The following CDH23 variants were observed in gnomAD, a reference collection of about 807,000 sequenced individuals.
CDH23 encodes the protein cadherin-23.
A neutral mutation model predicts 317.1 loss-of-function variants in CDH23; 189 were observed. That is an observed-to-expected ratio of 0.60 (90% confidence interval 0.53 to 0.67). The LOEUF is 0.67. CDH23 is among the 30% of genes least tolerant of loss of function. CDH23 has a pLI of 0.00. For synonymous variants in CDH23, 1,839 were observed against 1,876.8 expected, an observed-to-expected ratio of 0.98 and a Z score of 0.52; for missense variants, 4,401 against 4,592.4, an observed-to-expected ratio of 0.96 and a Z score of 1.20.
rs143429525 is a variant in CDH23 at position 71,493,294 on chromosome 10, C to T, written c.146-16788C>T. The stretch of plus-strand genomic sequence containing the variant: ...TAGAAGCAGAGAGGCCCAGGTTCCC[C>T]ACCCATGAGGTGGTGACTTGCAAGC... On this transcript the variant is annotated intron_variant, in intron 3 of 69. Transcript: ENST00000224721. 6.7e-3 allele frequency among the ~76,000 whole-genome samples: 1,015 copies of T among 152,304 alleles called. 11 individuals are homozygous for T. The highest frequency in any genetic ancestry group is 0.019 in the African/African-American group (791 of 41,558).
At chr10:71,433,362 G>A (rs1337895847) in intron 1 of CDH23, among the ~76,000 whole-genome samples, 1 of 152,174 alleles carries the variant, frequency 6.6e-6, no homozygotes, top group Non-Finnish European at 1.5e-5. Flanking sequence ...CTCAGCTGAG[G>A]TTCAGGAGGT....
At position 71,725,440 on chromosome 10, in the gene CDH23, GACCGGGAGCGGA is replaced by G. The variant is rs1211749027; in HGVS notation, c.3502_3513del (p.Arg1168_Asn1171del). On this transcript the variant is annotated inframe_deletion, in exon 30 of 70. Coordinates refer to ENST00000224721, the MANE Select transcript of CDH23 (RefSeq NM_022124.6). ...CCTGATGCGAGGGCCCCGGCCCCTG[GACCGGGAGCGGA>G]ACTCATCCCACGTGCTGATAGTGGA... is the stretch of plus-strand genomic sequence containing the variant. 1 of 1,614,034 alleles carries G rather than the reference GACCGGGAGCGGA, an allele frequency of 6.2e-7. No individual in the cohort carries two copies.
At chr10:71,795,025 A>C (rs1417066774) in intron 48 of CDH23, among the ~76,000 whole-genome samples, 1 of 152,230 alleles carries the variant, frequency 6.6e-6, no homozygotes, top group Non-Finnish European at 1.5e-5. Context: ...GATCCTAATA[A>C]TAAGTATTTA....
intron 38 of CDH23, among the ~76,000 whole-genome samples, chr10:71,744,281 C>G (rs1839804109): frequency 6.6e-6 from 1 of 152,102 alleles, no homozygotes; most frequent in Non-Finnish European, 1.5e-5. Context: ...CCAGTCAACG[C>G]ACCACCCCCA....
At chr10:71,782,823 C>T (rs1589418711) in intron 41 of CDH23, among the ~76,000 whole-genome samples, 2 of 152,254 alleles carry the variant, frequency 1.3e-5, no homozygotes, top group East Asian at 3.8e-4. Flanking sequence ...AAGCAGCTTC[C>T]ACCCCCCAGG....
At chr10:71,498,454 G>A (rs1238982382) in intron 3 of CDH23, among the ~76,000 whole-genome samples, 6 of 152,200 alleles carry the variant, frequency 3.9e-5, no homozygotes, top group South Asian at 2.1e-4. Context: ...CCAGGGTCCC[G>A]GGGAAAGGCC....
chr10:71,576,641 T>G (rs1474403970), intron 8 of CDH23, among the ~76,000 whole-genome samples: 1 of 152,134 alleles, frequency 6.6e-6, no homozygotes, highest in Non-Finnish European at 1.5e-5. Flanking sequence ...CAGGCTTATC[T>G]TGCTCTCCAT....
rs752831522 is a variant in CDH23 at position 71,565,621 on chromosome 10, G to T, written c.430-1121G>T. 3.3e-5 allele frequency among the ~76,000 whole-genome samples: 5 copies of T among 152,262 alleles called. No individual in the cohort carries two copies. The East Asian group carries it at 7.7e-4, about 24-fold the overall frequency. ...ACACCTCCCTGCCCCACCCTTGAAG[G>T]TGCCCTTGTCTGTGCCCCTCTAGGT... On this transcript the variant is annotated intron_variant, in intron 6 of 69. Coordinates refer to ENST00000224721, the MANE Select transcript of CDH23 (RefSeq NM_022124.6).
At chr10:71,628,938 A>C (rs1861878114) in intron 11 of CDH23, among the ~76,000 whole-genome samples, 1 of 152,234 alleles carries the variant, frequency 6.6e-6, no homozygotes, top group Admixed American at 6.5e-5. Flanking sequence ...CACATGGGCA[A>C]AACGAGGCTC....
chr10:71,697,787 A>G (rs1051799397), intron 22 of CDH23, among the ~76,000 whole-genome samples: 5 of 152,144 alleles, frequency 3.3e-5, no homozygotes, highest in African/African-American at 4.8e-5. Context: ...CCCTTGCCAG[A>G]CCTACAAAAC....
intron 47 of CDH23, 98 bp downstream of exon 47, chr10:71,791,433 G>T: frequency 9.5e-7 from 1 of 1,051,294 alleles, no homozygotes; most frequent in Non-Finnish European, 1.4e-6. Context: ...TGCCTCCAGT[G>T]GGGAGAAAGA....
chr10:71,647,494 A>G (rs1269978544), intron 14 of CDH23: 3 of 151,388 alleles, frequency 2.0e-5, no homozygotes, highest in Non-Finnish European at 4.4e-5. Flanking sequence ...GATTTCAGGC[A>G]CGGCTGCATC....
chr10:71,761,523 G>A, intron 38 of CDH23: 3 of 1,443,866 alleles, frequency 2.1e-6, no homozygotes, highest in South Asian at 1.4e-5. Context: ...GCCCAGCACA[G>A]TGTCATGAAT....
Position 71,809,899 on chromosome 10 carries a change from C to T in CDH23, c.8802C>T (p.Ala2934=). ...SPGYFVVDIV[A]RDLAGHNDTA... ...GCTACTTCGTGGTGGACATTGTGGC[C>T]CGAGACCTGGCAGGCCACAACGACA... Residue 2934 remains alanine, a synonymous_variant, in exon 61 of 70, where the codon GCC becomes GCT. Transcript: ENST00000224721. 1 of 1,613,356 alleles carries T rather than the reference C, an allele frequency of 6.2e-7. No individual in the cohort carries two copies. The highest frequency in any genetic ancestry group is 8.5e-7 in the Non-Finnish European group (1 of 1,179,900).
At chr10:71,701,717 G>C (rs781566943) in intron 22 of CDH23, among the ~76,000 whole-genome samples, 1 of 152,044 alleles carries the variant, frequency 6.6e-6, no homozygotes, top group Admixed American at 6.5e-5. Flanking sequence ...TGCTTCAAAG[G>C]AAGGAAGGGA....
In CDH23 at chr10:71,539,821, T is replaced by A. The variant is rs1855892901; in HGVS notation, c.430-26921T>A. On this transcript the variant is annotated intron_variant, in intron 6 of 69. Transcript: ENST00000224721. The stretch of plus-strand genomic sequence containing the variant: ...CTCTGACTCTCTTGACCTCTCTCTG[T>A]CTCCCTGTTTCTTCTCTTTCTCCCT... 2.6e-5 allele frequency among the ~76,000 whole-genome samples: 4 copies of A among 151,884 alleles called. No homozygotes were observed. In the South Asian group the frequency reaches 8.3e-4, roughly 32 times the overall value.
intron 36 of CDH23, among the ~76,000 whole-genome samples, chr10:71,740,565 G>A (rs529561345): frequency 1.5e-4 from 23 of 152,340 alleles, no homozygotes; most frequent in South Asian, 1.2e-3. Context: ...ATGTTAATCA[G>A]ATTCCAAACG....
intron 29 of CDH23, 137 bp downstream of exon 29, chr10:71,724,242 G>A (rs1480492694): frequency 1.2e-6 from 1 of 831,022 alleles, no homozygotes; most frequent in Non-Finnish European, 1.9e-6. Flanking sequence ...GCCAGAGGGA[G>A]GAAACAGGGA....
intron 6 of CDH23, among the ~76,000 whole-genome samples, chr10:71,520,468 G>A (rs1336515730): frequency 3.3e-5 from 5 of 152,192 alleles, no homozygotes; most frequent in Admixed American, 2.0e-4. Flanking sequence ...GGGTCACCCC[G>A]CAATTAGTGG....
Sources: allele counts gnomAD v4.1 joint callset (sites outside exome capture counted in the v4.1 genomes callset), GRCh38; gene constraint gnomAD v4.1.1; transcripts MANE v1.5; gene names NCBI Gene and HGNC (gene_info 2026-07-23, HGNC 2026-07-21).